Variants in DACT3 observed in about 807,000 individuals in gnomAD.
DACT3 encodes the protein dapper homolog 3.
A neutral mutation model predicts 19.6 loss-of-function variants in DACT3; 5 were observed. The observed-to-expected ratio is 0.26, with a 90% CI of 0.13 to 0.54. The LOEUF is 0.54. Among genes scored for constraint, DACT3 ranks in the 20% least tolerant of loss-of-function variants. The pLI is 0.95. For missense variants in DACT3, 908 were observed against 927.4 expected, an observed-to-expected ratio of 0.98 and a Z score of 0.27; for synonymous variants, 454 against 428.1, an observed-to-expected ratio of 1.06 and a Z score of -0.75.
At chr19:46,653,541 T>TTATTTATTTATTTATA (rs2053007213) in intron 1 of DACT3, among the ~76,000 whole-genome samples, 1 of 148,050 alleles carries the variant, frequency 6.8e-6, no homozygotes, top group African/African-American at 2.5e-5. Context: ...TTTTTTATTT[T>TTATTTATTTATTTATA]TATTTATTTA....
rs2053063145 is a variant in DACT3, at chr19:46,660,009, G to T, written c.249+807C>A. Among the ~76,000 whole-genome samples the T allele has an allele frequency of 6.6e-6, 1 of 152,146 alleles. No individual in the cohort carries two copies. Among genetic ancestry groups the T allele is most frequent in the South Asian group, 2.1e-4 (1 of 4,828 alleles). On this transcript the variant is annotated intron_variant, in intron 1 of 3. Coordinates refer to ENST00000391916, the MANE Select transcript of DACT3 (RefSeq NM_145056.3). This position sits in a 1 kb window ranked among gnomAD's most constrained non-coding sequence, Gnocchi z 4.9. ...CGGAGAGAGTGACAGAACCCAGGAC[G>T]AGATCGGGAGACTCAAGGAATGACA...
chr19:46,653,536 T>TA (rs1295589810), intron 1 of DACT3, among the ~76,000 whole-genome samples: 2 of 131,962 alleles, frequency 1.5e-5, no homozygotes, highest in African/African-American at 3.0e-5. Context: ...TTTCTTTTTT[T>TA]ATTTTTATTT....
chr19:46,650,833 T>A (rs1331689348), intron 3 of DACT3: 1 of 151,962 alleles, frequency 6.6e-6, no homozygotes, highest in Admixed American at 6.6e-5. Context: ...CCCGGAATGC[T>A]CTTCCTTCTG....
rs148293019 is a variant in DACT3, at chr19:46,659,325, G to A, written c.249+1491C>T. On this transcript the variant is annotated intron_variant, in intron 1 of 3. Coordinates refer to ENST00000391916, the MANE Select transcript of DACT3 (RefSeq NM_145056.3). ...GAGGAGGGGACAGAGGGACCGAGGAGAGGGAGACTGAAGGGCAGAGATGGG... is the reference window on the plus strand; with the variant it reads ...GAGGAGGGGACAGAGGGACCGAGGAAAGGGAGACTGAAGGGCAGAGATGGG... The A allele has an allele frequency of 7.2e-4, 688 of 949,546 alleles. 5 individuals carry two copies. The African/African-American group carries it at 0.011, about 16-fold the overall frequency. 58.8% of individuals were successfully genotyped at this position (949,546 alleles called of 1,614,324 possible). A position where few individuals can be genotyped will look rare whatever the true frequency, so the allele number is the denominator to read the frequency against.
Position 46,652,678 on chromosome 19 carries a change from C to T in DACT3, c.481G>A (p.Glu161Lys). 1 of 1,551,368 alleles carries T rather than the reference C, an allele frequency of 6.4e-7. No individual in the cohort carries two copies. Among genetic ancestry groups the T allele is most frequent in the Non-Finnish European group, 8.7e-7 (1 of 1,146,998 alleles). The change falls in exon 3 of 4, where the codon GAG (glutamate) becomes AAG (lysine). Residue 161 changes from glutamate (E) to lysine (K), a missense_variant. Coordinates refer to ENST00000391916, the MANE Select transcript of DACT3 (RefSeq NM_145056.3). ...ACCTTACCTAGGGACTTGGGCCTCT[C>T]ACTGGCATAGATGCCCCGGGGCTCA... ...PSEPRGIYAS[E>K]RPKSLGDASP... is the part of the protein sequence containing the mutation.
chr19:46,648,736 C>G lies in DACT3; in HGVS notation c.1636G>C (p.Gly546Arg), dbSNP rs2052943989. Reference sequence around the variant, plus strand: ...TCGCTGGCGCTCGATTCGCTCTCCCCGTAACCCCCGCCGACGCCTCCCGCA... The same window carrying G: ...TCGCTGGCGCTCGATTCGCTCTCCCGGTAACCCCCGCCGACGCCTCCCGCA... Reference protein sequence around the residue: ...GPAGGVGGGYGESESSASEGE... With the variant: ...GPAGGVGGGYRESESSASEGE... Residue 546 changes from glycine to arginine, a missense_variant, in exon 4 of 4, where the codon GGG (glycine) becomes CGG (arginine). Physicochemically the swap from Gly to Arg is moderately radical, Grantham distance 125. Coordinates refer to ENST00000391916, the MANE Select transcript of DACT3 (RefSeq NM_145056.3). This position sits in a 1 kb window ranked among gnomAD's most constrained non-coding sequence, Gnocchi z 5.1. The G allele has an allele frequency of 1.3e-6, 2 of 1,594,592 alleles. No individual in the cohort carries two copies. The highest frequency in any genetic ancestry group is 8.5e-7 in the Non-Finnish European group (1 of 1,174,990).
intron 1 of DACT3, chr19:46,654,284 G>A (rs2053015373): frequency 2.0e-5 from 17 of 840,378 alleles, no homozygotes; most frequent in Non-Finnish European, 2.4e-5. Flanking sequence ...GTCAGGAGTT[G>A]GAACCAGCCT....
intron 1 of DACT3, chr19:46,659,185 C>G (rs1360463495): frequency 1.4e-5 from 14 of 985,126 alleles, no homozygotes; most frequent in Non-Finnish European, 1.7e-5. Flanking sequence ...CCTCCTCCCC[C>G]CGCCTGCCAC....
At chr19:46,652,884 G>C in intron 2 of DACT3, 72 bp from the exon 3 acceptor site, 1 of 1,539,370 alleles carries the variant, frequency 6.5e-7, no homozygotes, top group Non-Finnish European at 8.8e-7. Context: ...GAAAGGAGGA[G>C]ATGGCGTGGG....
At chr19:46,657,271 T>C (rs1239232651) in intron 1 of DACT3, among the ~76,000 whole-genome samples, 1 of 151,954 alleles carries the variant, frequency 6.6e-6, no homozygotes, top group Non-Finnish European at 1.5e-5. Context: ...CTCTCTGGGC[T>C]TCAGTTTCCT....
At chr19:46,656,133 C>T (rs543440104) in intron 1 of DACT3, among the ~76,000 whole-genome samples, 13 of 144,214 alleles carry the variant, frequency 9.0e-5, no homozygotes, top group African/African-American at 3.2e-4. Flanking sequence ...CAGCCTCCAC[C>T]TCCCAGGTTC....
At position 46,648,456 on chromosome 19, in the gene DACT3, G is replaced by C. The variant is rs886984132; in HGVS notation, c.*26C>G. The C allele has an allele frequency of 8.1e-6, 13 of 1,613,652 alleles. No individual in the cohort carries two copies. Among genetic ancestry groups the C allele is most frequent in the Non-Finnish European group, 1.0e-5 (12 of 1,179,818 alleles). Reference sequence around the variant, plus strand: ...AGTGTGGAGGTGCAGAGGCCATGAAGGGGGAGCCCAAGCAAATCCCCAAAC... The same window carrying C: ...AGTGTGGAGGTGCAGAGGCCATGAACGGGGAGCCCAAGCAAATCCCCAAAC... On this transcript the variant is annotated 3_prime_UTR_variant, in exon 4 of 4. Coordinates refer to ENST00000391916, the MANE Select transcript of DACT3 (RefSeq NM_145056.3). This position sits in a 1 kb window ranked among gnomAD's most constrained non-coding sequence, Gnocchi z 5.1.
chr19:46,650,044 T>C, intron 3 of DACT3, 172 bp from the exon 4 acceptor site: 1 of 731,522 alleles, frequency 1.4e-6, no homozygotes, highest in Non-Finnish European at 1.9e-6. Flanking sequence ...CATAATAAAA[T>C]CTTTACAGGG....
intron 1 of DACT3, among the ~76,000 whole-genome samples, chr19:46,655,316 A>G (rs554332732): frequency 3.3e-5 from 5 of 152,262 alleles, no homozygotes; most frequent in African/African-American, 9.6e-5. Flanking sequence ...CTCTTGATTT[A>G]AAATTATACA....
intron 1 of DACT3, chr19:46,654,315 G>C (rs746593783): frequency 4.4e-4 from 289 of 660,204 alleles, no homozygotes; most frequent in Admixed American, 1.0e-3. Context: ...GTGAAACCTT[G>C]TCTCCCTTAA....
At chr19:46,658,599 G>A (rs1490573409) in intron 1 of DACT3, among the ~76,000 whole-genome samples, 1 of 152,018 alleles carries the variant, frequency 6.6e-6, no homozygotes, top group East Asian at 1.9e-4. Context: ...TGCAAGTCTG[G>A]CCTCATTCCT....
At chr19:46,654,393 G>A (rs1464326944) in intron 1 of DACT3, among the ~76,000 whole-genome samples, 1 of 151,836 alleles carries the variant, frequency 6.6e-6, no homozygotes, top group Admixed American at 6.6e-5. Flanking sequence ...GGCTGAGGCG[G>A]GAGGATTGCT....
chr19:46,656,114 G>T (rs1200788539), intron 1 of DACT3, among the ~76,000 whole-genome samples: 1 of 149,850 alleles, frequency 6.7e-6, no homozygotes, highest in Non-Finnish European at 1.5e-5. Flanking sequence ...AGGCTGGAGT[G>T]CAGTGGTGCA....
At position 46,648,695 on chromosome 19, in the gene DACT3, G is replaced by A. The variant is rs1463355682; in HGVS notation, c.1677C>T (p.Ala559=). ...ESSASEGESP[A]FSSASSDSDG... is the part of the protein sequence containing the mutation. ...CTGAGTCGCTGGAGGCAGAGCTGAA[G>A]GCAGGCGATTCTCCCTCGCTGGCGC... The change falls in exon 4 of 4, where the codon GCC becomes GCT. Residue 559 remains alanine, a synonymous_variant. Coordinates refer to ENST00000391916, the MANE Select transcript of DACT3 (RefSeq NM_145056.3). The surrounding 1 kb of genome is among the most constrained non-coding windows in gnomAD (Gnocchi z 5.1). 1.2e-6 allele frequency: 2 copies of A among 1,610,476 alleles called. No homozygotes were observed. Among genetic ancestry groups the A allele is most frequent in the Non-Finnish European group, 1.7e-6 (2 of 1,179,258 alleles).
Sources: gnomAD v4.1 joint callset for allele counts (sites outside exome capture counted in the v4.1 genomes callset) on GRCh38, gnomAD v4.1.1 for gene constraint, Gnocchi (gnomAD v3.1) non-coding constraint, MANE v1.5 for transcripts, NCBI Gene and HGNC (gene_info 2026-07-23, HGNC 2026-07-21) for gene names.